The following DCAKD variants were observed in gnomAD, a reference collection of about 807,000 sequenced individuals.
The protein encoded by DCAKD is dephospho-CoA kinase domain containing, also known as dephospho-CoA kinase domain-containing protein.
A neutral mutation model predicts 18.7 loss-of-function variants in DCAKD; 15 were observed. That is an observed-to-expected ratio of 0.80 (90% confidence interval 0.54 to 1.24). The LOEUF (loss-of-function observed/expected upper bound fraction) is 1.24. Among genes scored for constraint, DCAKD ranks in the 50% most tolerant of loss-of-function variants. The probability of loss-of-function intolerance (pLI) is 0.00; values close to 1 mark genes in which losing one functional copy is unlikely to be tolerated. For synonymous variants in DCAKD, 130 were observed against 133.0 expected (o/e 0.98, Z 0.16); for missense variants, 301 against 322.0 (o/e 0.93, Z 0.50).
chr17:45,048,624 G>A (rs1005946264), intron 1 of DCAKD, among the ~76,000 whole-genome samples: 2 of 150,496 alleles, frequency 1.3e-5, no homozygotes, highest in African/African-American at 2.4e-5. Flanking sequence ...GTGACAGAGC[G>A]AGACTCCATC....
rs1423026245 is a variant in DCAKD at position 45,051,352 on chromosome 17, A to T, written c.-115+9T>A. 6.6e-6 allele frequency: 1 copy of T among 152,232 alleles called. No individual in the cohort carries two copies. The highest frequency in any genetic ancestry group is 1.5e-5 in the Non-Finnish European group (1 of 68,050). 9.4% of individuals were successfully genotyped at this position (152,232 alleles called of 1,614,324 possible). Reference sequence around the variant, plus strand: ...CAAGACAATGGGCCGTGGATATAAAAGCACTTGCCTTAGTGCTGGCCGCAT... The same window carrying T: ...CAAGACAATGGGCCGTGGATATAAATGCACTTGCCTTAGTGCTGGCCGCAT... On this transcript the variant is annotated intron_variant, in intron 1 of 4. Transcript: ENST00000651974.
chr17:45,039,210 G>A (rs1228877415), intron 1 of DCAKD, among the ~76,000 whole-genome samples: 1 of 152,114 alleles, frequency 6.6e-6, no homozygotes, highest in African/African-American at 2.4e-5. Flanking sequence ...GTACCCAGCG[G>A]CCTCCAAGTC....
intron 3 of DCAKD, chr17:45,031,970 T>A: frequency 1.0e-6 from 1 of 985,438 alleles, no homozygotes; most frequent in Non-Finnish European, 1.2e-6. Context: ...AAAAGGGCTC[T>A]CTGGCTTTTA....
chr17:45,059,895 G>A (rs1409041336), intron 1 of DCAKD, among the ~76,000 whole-genome samples: 4 of 152,112 alleles, frequency 2.6e-5, no homozygotes, highest in African/African-American at 9.7e-5. Flanking sequence ...CACGAGGTCA[G>A]GAGTTCGAGA....
At chr17:45,042,355 C>T (rs1336003507) in intron 1 of DCAKD, among the ~76,000 whole-genome samples, 1 of 152,140 alleles carries the variant, frequency 6.6e-6, no homozygotes, top group African/African-American at 2.4e-5. Flanking sequence ...ACCTTCTTCC[C>T]TTGGGACAGC....
chr17:45,031,603 A>C (rs1805321110), intron 3 of DCAKD: 4 of 985,322 alleles, frequency 4.1e-6, no homozygotes, highest in African/African-American at 1.7e-5. Context: ...CTTGGAGCAG[A>C]AGCCAAGACT....
chr17:45,057,199 A>G (rs767547765), intron 1 of DCAKD, among the ~76,000 whole-genome samples: 1 of 152,022 alleles, frequency 6.6e-6, no homozygotes, highest in Admixed American at 6.6e-5. Flanking sequence ...GCATGCCACA[A>G]TGCCACGCTA....
At chr17:45,034,720 CG>C (rs2053250337) in intron 2 of DCAKD, 53 bp downstream of exon 2, 1 of 1,573,862 alleles carries the variant, frequency 6.4e-7, no homozygotes, top group East Asian at 2.3e-5. Flanking sequence ...GGCAGAAGGC[CG>C]GAAGCGTGGG....
exon 1 of DCAKD, chr17:45,061,053 C>A (rs2053845062): frequency 1.6e-6 from 2 of 1,216,978 alleles, no homozygotes; most frequent in South Asian, 4.4e-5. Flanking sequence ...CCGCCCGGTT[C>A]CCAAGGGTCG....
At chr17:45,029,889 C>A (rs61349683) in intron 4 of DCAKD, among the ~76,000 whole-genome samples, 3 of 152,248 alleles carry the variant, frequency 2.0e-5, no homozygotes, top group African/African-American at 7.2e-5. Context: ...GAGAAGCCCG[C>A]GGGCTGTCCC....
chr17:45,044,200 G>A (rs2053509063), intron 1 of DCAKD, among the ~76,000 whole-genome samples: 1 of 152,086 alleles, frequency 6.6e-6, no homozygotes, highest in Non-Finnish European at 1.5e-5. Context: ...TGTCCTCCCA[G>A]CATCTCCAAC....
At chr17:45,054,222 G>T, upstream of DCAKD, 1 of 497,330 alleles carries the variant, frequency 2.0e-6, no homozygotes, top group Non-Finnish European at 4.0e-6. Context: ...CCCATGTTGG[G>T]GAACTCACTG....
At chr17:45,052,701 A>AC (rs937970454), upstream of DCAKD, among the ~76,000 whole-genome samples, 28 of 151,724 alleles carry the variant, frequency 1.8e-4, no homozygotes, top group Admixed American at 3.9e-4. Context: ...TCTACAAAAA[A>AC]AAAAAACAAA....
upstream of DCAKD, among the ~76,000 whole-genome samples, chr17:45,052,512 T>C (rs1378517081): frequency 6.6e-6 from 1 of 152,214 alleles, no homozygotes; most frequent in East Asian, 1.9e-4. Flanking sequence ...AGCAAGCCAC[T>C]CAGCCTCTCA....
chr17:45,031,690 G>A (rs1304347758), intron 3 of DCAKD: 7 of 985,230 alleles, frequency 7.1e-6, no homozygotes, highest in Non-Finnish European at 7.2e-6. Context: ...TCCTTTCTCC[G>A]GCCCCTCTGG....
At chr17:45,026,597 A>C in intron 4 of DCAKD, 1 of 985,050 alleles carries the variant, frequency 1.0e-6, no homozygotes, top group Non-Finnish European at 1.2e-6. Context: ...TCCTGGGCTT[A>C]AGTGATCCTC....
chr17:45,024,502 G>A lies in DCAKD; in HGVS notation c.627C>T (p.Val209=). The A allele has an allele frequency of 6.2e-7, 1 of 1,613,956 alleles. No homozygotes were observed. Among genetic ancestry groups the A allele is most frequent in the Non-Finnish European group, 8.5e-7 (1 of 1,179,834 alleles). The change falls in exon 5 of 5, where the codon GTC becomes GTT. Residue 209 remains valine (V), a synonymous_variant. Coordinates refer to ENST00000651974, the MANE Select transcript of DCAKD (RefSeq NM_001288655.2). Reference sequence around the variant, plus strand: ...TGGCAATGGCAGCGAGCCCTGTGAGGACCCCAAACCTCAGCGGCAGGTACT... The same window carrying A: ...TGGCAATGGCAGCGAGCCCTGTGAGAACCCCAAACCTCAGCGGCAGGTACT... ...SLEYLPLRFG[V]LTGLAAIASL...
chr17:45,033,782 C>A, intron 3 of DCAKD: 1 of 911,528 alleles, frequency 1.1e-6, no homozygotes, highest in Non-Finnish European at 1.4e-6. Context: ...GGATTATTAT[C>A]CCCACTGCAC....
chr17:45,049,281 A>C (rs1251758648), intron 1 of DCAKD, among the ~76,000 whole-genome samples: 1 of 151,972 alleles, frequency 6.6e-6, no homozygotes, highest in African/African-American at 2.4e-5. Context: ...AAATAAAAAG[A>C]AAAATCAGCC....
Sources: allele counts gnomAD v4.1 joint callset (sites outside exome capture counted in the v4.1 genomes callset), GRCh38; gene constraint gnomAD v4.1.1; transcripts MANE v1.5; gene names NCBI Gene and HGNC (gene_info 2026-07-23, HGNC 2026-07-21).